The following BICD1 variants were observed in gnomAD, a reference collection of about 807,000 sequenced individuals.
BICD1 encodes the protein BICD cargo adaptor 1.
Under a neutral mutation model 92.5 loss-of-function variants are expected in BICD1, and 35 were observed. That is an observed-to-expected ratio of 0.38 (90% CI 0.29 to 0.50). The LOEUF (loss-of-function observed/expected upper bound fraction) is 0.50. Ranked by LOEUF, BICD1 falls within the 20% of genes least tolerant of loss-of-function variation. The pLI is 0.93. For missense variants in BICD1, 950 were observed against 1,189.8 expected (o/e 0.80, Z 2.97); for synonymous variants, 429 against 465.1 (o/e 0.92, Z 1.00).
chr12:32,287,889 A>C (rs894403655), intron 2 of BICD1, among the ~76,000 whole-genome samples: 9 of 152,192 alleles, frequency 5.9e-5, no homozygotes, highest in African/African-American at 2.2e-4. Flanking sequence ...GGTTGCAGTC[A>C]TCTGACAGCC....
intron 1 of BICD1, among the ~76,000 whole-genome samples, chr12:32,210,392 A>G: frequency 6.6e-6 from 1 of 152,324 alleles, no homozygotes; most frequent in East Asian, 1.9e-4. Context: ...TATTAAATAT[A>G]CTAGTCAAAA....
intron 1 of BICD1, among the ~76,000 whole-genome samples, chr12:32,139,508 G>T (rs1942832871): frequency 6.6e-6 from 1 of 152,154 alleles, no homozygotes; most frequent in Non-Finnish European, 1.5e-5. Context: ...CTTGCTGATT[G>T]ACTTTCAAAT....
chr12:32,347,054 C>T (rs770202946), intron 8 of BICD1, among the ~76,000 whole-genome samples: 3 of 150,548 alleles, frequency 2.0e-5, no homozygotes, highest in African/African-American at 4.9e-5. Context: ...CAGGTTCAAG[C>T]GATTCTCCTG....
intron 1 of BICD1, among the ~76,000 whole-genome samples, chr12:32,123,996 A>C (rs1367736671): frequency 6.6e-6 from 1 of 152,200 alleles, no homozygotes; most frequent in East Asian, 1.9e-4. Flanking sequence ...CACTGCGCTG[A>C]CTTGCCTGGT....
chr12:32,242,215 CAAAAAAAAAAA>C (rs4001812), intron 2 of BICD1, among the ~76,000 whole-genome samples: 3 of 47,716 alleles, frequency 6.3e-5, no homozygotes, highest in Non-Finnish European at 1.0e-4. Context: ...GACCCTGTCT[CAAAAAAAAAAA>C]AAAAAAAAAA....
chr12:32,233,147 C>T (rs1436325448), intron 2 of BICD1, among the ~76,000 whole-genome samples: 1 of 152,016 alleles, frequency 6.6e-6, no homozygotes, highest in Non-Finnish European at 1.5e-5. Flanking sequence ...TATGGTGAAA[C>T]CCCATCGCTA....
chr12:32,302,637 T>C (rs1278990419), intron 3 of BICD1, among the ~76,000 whole-genome samples: 2 of 152,234 alleles, frequency 1.3e-5, no homozygotes, highest in Admixed American at 1.3e-4. Flanking sequence ...GAAGTACTCA[T>C]AATCTTAAGT....
intron 2 of BICD1, among the ~76,000 whole-genome samples, chr12:32,222,832 C>G (rs1011158053): frequency 6.6e-6 from 1 of 152,076 alleles, no homozygotes; most frequent in Non-Finnish European, 1.5e-5. Context: ...TCATCCTCTC[C>G]GGAGGACACA....
intron 1 of BICD1, among the ~76,000 whole-genome samples, chr12:32,160,429 A>T (rs1943565398): frequency 1.3e-5 from 2 of 152,332 alleles, no homozygotes; most frequent in South Asian, 4.1e-4. Context: ...ATTTCCACAA[A>T]TATGGCTAAA....
intron 2 of BICD1, among the ~76,000 whole-genome samples, chr12:32,266,221 C>T (rs753938426): frequency 5.3e-5 from 8 of 152,056 alleles, no homozygotes; most frequent in East Asian, 1.9e-4. Flanking sequence ...AGGAGGGGAA[C>T]GGGAGTCATT....
intron 8 of BICD1, chr12:32,353,791 C>A (rs184864178): frequency 4.6e-5 from 7 of 152,244 alleles, no homozygotes; most frequent in Admixed American, 4.6e-4. Flanking sequence ...TAGATATGTG[C>A]TGTTATTGAC....
In BICD1 at chr12:32,282,696, G is replaced by A. The variant is rs115273675; in HGVS notation, c.427-11298G>A. ...GACCTGGATGGCTCAACCTTTAGAG[G>A]TTGAGCAGAGACGAGGGGACTGCAA... On this transcript the variant is annotated intron_variant, in intron 2 of 9. Coordinates refer to ENST00000652176, the MANE Select transcript of BICD1 (RefSeq NM_001714.4). Among the ~76,000 whole-genome samples, 1,495 of 150,024 alleles carry A rather than the reference G, an allele frequency of 1.0e-2. 32 individuals are homozygous for A. Among genetic ancestry groups the A allele is most frequent in the African/African-American group, 0.036 (1,406 of 39,400 alleles).
intron 8 of BICD1, among the ~76,000 whole-genome samples, chr12:32,351,315 G>A (rs575047812): frequency 1.3e-5 from 2 of 150,944 alleles, no homozygotes; most frequent in African/African-American, 4.9e-5. Flanking sequence ...GTGAAACCCT[G>A]TCTCTACTAA....
intron 1 of BICD1, among the ~76,000 whole-genome samples, chr12:32,210,125 T>G (rs1299077876): frequency 1.3e-5 from 2 of 152,160 alleles, no homozygotes; most frequent in African/African-American, 4.8e-5. Context: ...TCACAGAGTT[T>G]TTTTTTTTTG....
chr12:32,342,922 C>T (rs1938435223), intron 8 of BICD1, among the ~76,000 whole-genome samples: 1 of 152,160 alleles, frequency 6.6e-6, no homozygotes, highest in Admixed American at 6.5e-5. Flanking sequence ...TTGATTAATG[C>T]ATTATACTGA....
chr12:32,247,156 C>G (rs1453936068), intron 2 of BICD1, among the ~76,000 whole-genome samples: 3 of 150,206 alleles, frequency 2.0e-5, no homozygotes, highest in Non-Finnish European at 4.4e-5. Flanking sequence ...ACTAGGGAGG[C>G]TGAGGTGGGA....
chr12:32,328,667 A>C lies in BICD1; in HGVS notation c.2100+112A>C. On this transcript the variant is annotated intron_variant, in intron 5 of 9. Coordinates refer to ENST00000652176, the MANE Select transcript of BICD1 (RefSeq NM_001714.4). The surrounding 1 kb of genome is among the most constrained non-coding windows in gnomAD (Gnocchi z 4.4). ...CAAGATGAGAGTTCAGATTCTTGGTAAGTGGATAAATAAAACTGTCCCAGT... is the reference window on the plus strand; with the variant it reads ...CAAGATGAGAGTTCAGATTCTTGGTCAGTGGATAAATAAAACTGTCCCAGT... The C allele has an allele frequency of 1.4e-6, 2 of 1,395,204 alleles. No homozygotes were observed. The highest frequency in any genetic ancestry group is 1.9e-6 in the Non-Finnish European group (2 of 1,039,646). 86.4% of individuals were successfully genotyped at this position (1,395,204 alleles called of 1,614,324 possible).
In BICD1 at chr12:32,378,593, C is replaced by T. The variant is rs1365312061; in HGVS notation, c.*966C>T. ...TACTTCTCCCAAAATCAGGGTCCTA[C>T]TGAGTCTTTCCTGATAAAAGGTATC... On this transcript the variant is annotated 3_prime_UTR_variant, in exon 10 of 10. Coordinates refer to ENST00000652176, the MANE Select transcript of BICD1 (RefSeq NM_001714.4). 2.0e-5 allele frequency: 3 copies of T among 152,136 alleles called. No homozygotes were observed. The highest frequency in any genetic ancestry group is 1.3e-4 in the Admixed American group (2 of 15,274). The allele number at this position is 152,136 out of a possible 1,614,324, so 9.4% of individuals were successfully genotyped here.
chr12:32,203,025 T>C (rs1944951834), intron 1 of BICD1, among the ~76,000 whole-genome samples: 2 of 151,810 alleles, frequency 1.3e-5, no homozygotes, highest in African/African-American at 4.8e-5. Flanking sequence ...CATTATAGGA[T>C]AGCCTAGAAA....
Sources: gnomAD v4.1 joint callset for allele counts (sites outside exome capture counted in the v4.1 genomes callset) on GRCh38, gnomAD v4.1.1 for gene constraint, Gnocchi (gnomAD v3.1) non-coding constraint, MANE v1.5 for transcripts, NCBI Gene and HGNC (gene_info 2026-07-23, HGNC 2026-07-21) for gene names.